LARGE1: variants seen among roughly 807,000 people sequenced by gnomAD.
The protein encoded by LARGE1 is xylosyl- and glucuronyltransferase LARGE1.
Under a neutral mutation model 87.6 loss-of-function variants are expected in LARGE1, and 43 were observed. That is an observed-to-expected ratio of 0.49 (90% CI 0.38 to 0.63). The LOEUF is 0.63. Ranked by LOEUF, LARGE1 falls within the 30% of genes least tolerant of loss-of-function variation. The pLI is 0.00. For missense variants in LARGE1, 802 were observed against 1,000.2 expected (o/e 0.80, Z 2.67); for synonymous variants, 434 against 394.6 (o/e 1.10, Z -1.18).
At chr22:33,212,369 C>A (rs948322390) in intron 11 of LARGE1, among the ~76,000 whole-genome samples, 1 of 152,166 alleles carries the variant, frequency 6.6e-6, no homozygotes, top group Non-Finnish European at 1.5e-5. Context: ...GAACAACAAG[C>A]CTGGATAACA....
the LARGE1 span, among the ~76,000 whole-genome samples, chr22:33,123,372 G>GTT: frequency 6.6e-6 from 1 of 151,816 alleles, no homozygotes; most frequent in African/African-American, 2.4e-5. Context: ...GGAAAATGAG[G>GTT]TTTTTTTCCT....
intron 2 of LARGE1, among the ~76,000 whole-genome samples, chr22:33,749,037 CAA>C (rs1428146534): frequency 6.6e-6 from 1 of 152,224 alleles, no homozygotes; most frequent in Non-Finnish European, 1.5e-5. Flanking sequence ...AAAGGAAAAA[CAA>C]AGATTTGTTA....
At chr22:33,126,948 G>A in the LARGE1 span, among the ~76,000 whole-genome samples, 1 of 152,000 alleles carries the variant, frequency 6.6e-6, no homozygotes, top group Non-Finnish European at 1.5e-5. Context: ...CCAAAGGCAG[G>A]GGGATTTTGC....
chr22:33,315,996 T>C, intron 11 of LARGE1, 89 bp downstream of exon 11: 1 of 1,437,420 alleles, frequency 7.0e-7, no homozygotes, highest in Non-Finnish European at 9.6e-7. Flanking sequence ...GCAGATGCAC[T>C]GGGAAGCAGG....
At chr22:33,218,132 G>C (rs1925295647) in intron 11 of LARGE1, among the ~76,000 whole-genome samples, 1 of 151,948 alleles carries the variant, frequency 6.6e-6, no homozygotes, top group African/African-American at 2.4e-5. Context: ...ATTTCATCAT[G>C]TTGGCCAGGC....
At chr22:33,893,465 C>A (rs944048404) in intron 1 of LARGE1, among the ~76,000 whole-genome samples, 2 of 152,118 alleles carry the variant, frequency 1.3e-5, no homozygotes, top group Admixed American at 1.3e-4. Flanking sequence ...GAAACCCTGC[C>A]GTCATCAGCT....
chr22:33,348,568 G>T (rs1940040543), intron 9 of LARGE1, among the ~76,000 whole-genome samples: 2 of 152,136 alleles, frequency 1.3e-5, no homozygotes, highest in African/African-American at 4.8e-5. Flanking sequence ...ATTTCTAGGT[G>T]TGTTTGTGAG....
chr22:33,507,797 C>T (rs1237408174), intron 6 of LARGE1, among the ~76,000 whole-genome samples: 2 of 151,988 alleles, frequency 1.3e-5, no homozygotes, highest in African/African-American at 2.4e-5. Context: ...CTCTTCTCAT[C>T]TATGGAAGTT....
chr22:33,299,455 T>C lies in LARGE1; in HGVS notation c.1730+4774A>G, dbSNP rs149137749. Among the ~76,000 whole-genome samples, 941 of 152,232 alleles carry C rather than the reference T, an allele frequency of 6.2e-3. 10 individuals carry two copies. The highest frequency in any genetic ancestry group is 0.022 in the African/African-American group (911 of 41,536). ...ATAGTACATGCTCACTACACAGTTT[T>C]TGAAAGAATGAGTAGTATCAATATA... On this transcript the variant is annotated intron_variant, in intron 12 of 14. Transcript: ENST00000397394.
intron 6 of LARGE1, among the ~76,000 whole-genome samples, chr22:33,469,154 C>T (rs1463312479): frequency 6.6e-6 from 1 of 152,156 alleles, no homozygotes; most frequent in Non-Finnish European, 1.5e-5. Context: ...TTAGAACTAC[C>T]ATTCAACCCA....
intron 11 of LARGE1, among the ~76,000 whole-genome samples, chr22:33,315,780 C>G (rs1409690671): frequency 1.3e-5 from 2 of 152,150 alleles, no homozygotes; most frequent in Admixed American, 1.3e-4. Context: ...CAGGCGCACA[C>G]CACCATGCCC....
chr22:33,806,653 C>T (rs993162868), intron 1 of LARGE1, among the ~76,000 whole-genome samples: 4 of 152,078 alleles, frequency 2.6e-5, no homozygotes, highest in African/African-American at 9.7e-5. Context: ...AGAAGGCTCT[C>T]AGTGATGCAA....
chr22:33,623,952 T>C (rs1033840040), intron 4 of LARGE1, among the ~76,000 whole-genome samples: 1 of 151,822 alleles, frequency 6.6e-6, no homozygotes, highest in Non-Finnish European at 1.5e-5. Context: ...ATCGCTGGAA[T>C]CCAGGAGGCA....
chr22:33,230,004 CTTTTTTTTTT>C (rs557120175), intron 11 of LARGE1, among the ~76,000 whole-genome samples: 1 of 81,136 alleles, frequency 1.2e-5, no homozygotes, highest in Non-Finnish European at 2.4e-5. Flanking sequence ...TTTCAAAGTT[CTTTTTTTTTT>C]TTTTTTTTTT....
chr22:33,791,644 T>C (rs1034870927), intron 1 of LARGE1, among the ~76,000 whole-genome samples: 1 of 152,206 alleles, frequency 6.6e-6, no homozygotes, highest in Admixed American at 6.5e-5. Flanking sequence ...GGGCACTTTA[T>C]GGATAAATTT....
chr22:33,901,102 C>T (rs2065271195), intron 1 of LARGE1, among the ~76,000 whole-genome samples: 1 of 152,000 alleles, frequency 6.6e-6, no homozygotes, highest in Non-Finnish European at 1.5e-5. Context: ...AGAGGGAAGA[C>T]AATGTGAAGA....
At chr22:33,610,858 C>A (rs1431184572) in intron 4 of LARGE1, among the ~76,000 whole-genome samples, 1 of 152,172 alleles carries the variant, frequency 6.6e-6, no homozygotes, top group East Asian at 1.9e-4. Flanking sequence ...CCCCAAAAGG[C>A]TGCTCTTTGC....
At chr22:33,779,143 G>C (rs970034258) in intron 1 of LARGE1, among the ~76,000 whole-genome samples, 3 of 151,890 alleles carry the variant, frequency 2.0e-5, no homozygotes, top group South Asian at 4.2e-4. Context: ...AAATCTCTTC[G>C]CTCTGCATAC....
intron 6 of LARGE1, among the ~76,000 whole-genome samples, chr22:33,528,947 T>C (rs753148790): frequency 6.6e-6 from 1 of 152,210 alleles, no homozygotes; most frequent in Non-Finnish European, 1.5e-5. Context: ...TGGAGTCATC[T>C]CTTCTTAGAA....
Sources: gnomAD v4.1 joint callset for allele counts (sites outside exome capture counted in the v4.1 genomes callset) on GRCh38, gnomAD v4.1.1 for gene constraint, MANE v1.5 for transcripts, NCBI Gene and HGNC (gene_info 2026-07-23, HGNC 2026-07-21) for gene names.